Variants in JARID2 observed in about 807,000 individuals in gnomAD.
JARID2 encodes the protein protein Jumonji.
In JARID2, 21 loss-of-function variants were observed where a neutral mutation model predicts 125.6. The ratio of observed to expected loss-of-function variants is 0.17; its 90% CI spans 0.12 to 0.24. The LOEUF (loss-of-function observed/expected upper bound fraction) is 0.24. Among genes scored for constraint, JARID2 ranks in the 10% least tolerant of loss-of-function variants. The pLI is 1.00. For missense variants in JARID2, 1,303 were observed against 1,639.6 expected (o/e 0.79, Z 3.55); for synonymous variants, 736 against 661.6 (o/e 1.11, Z -1.73).
rs752867797 is a variant in JARID2 at position 15,508,479 on chromosome 6, G to A, written c.2846+25G>A. 6.5e-6 allele frequency: 8 copies of A among 1,232,834 alleles called. No homozygotes were observed. The African/African-American group carries it at 1.2e-4, about 18-fold the overall frequency. 76.4% of individuals were successfully genotyped at this position (1,232,834 alleles called of 1,614,324 possible). Reference sequence around the variant, plus strand: ...GGTGAGTACTGGCCCCAGGCGGGAAGGGAGGGACTGCAGAAACTACTATTA... The same window carrying A: ...GGTGAGTACTGGCCCCAGGCGGGAAAGGAGGGACTGCAGAAACTACTATTA... On this transcript the variant is annotated intron_variant, in intron 12 of 17. Transcript: ENST00000341776.
chr6:15,394,270 A>C (rs1765133279), intron 2 of JARID2, among the ~76,000 whole-genome samples: 3 of 152,106 alleles, frequency 2.0e-5, no homozygotes, highest in African/African-American at 7.2e-5. Context: ...GCCTTGAGAC[A>C]CAGCTTACTC....
chr6:15,320,373 A>C (rs1762311390), intron 1 of JARID2, among the ~76,000 whole-genome samples: 1 of 152,380 alleles, frequency 6.6e-6, no homozygotes, highest in African/African-American at 2.4e-5. Context: ...TTAATTAGGT[A>C]GTTCGTAGAA....
At chr6:15,501,703 G>T (rs1770744780) in intron 8 of JARID2, among the ~76,000 whole-genome samples, 1 of 152,178 alleles carries the variant, frequency 6.6e-6, no homozygotes, top group African/African-American at 2.4e-5. Flanking sequence ...GGGGCAGCAG[G>T]AGACCCAGTG....
intron 2 of JARID2, among the ~76,000 whole-genome samples, chr6:15,399,972 C>G (rs1367127638): frequency 6.6e-6 from 1 of 152,146 alleles, no homozygotes; most frequent in African/African-American, 2.4e-5. Context: ...CTTTAAAAAT[C>G]AAAAAGCTAT....
At chr6:15,423,085 C>T (rs555438872) in intron 3 of JARID2, among the ~76,000 whole-genome samples, 61 of 151,826 alleles carry the variant, frequency 4.0e-4, no homozygotes, top group Non-Finnish European at 7.4e-4. Flanking sequence ...CTGTAACCTC[C>T]GCGTCCTGGG....
chr6:15,442,198 C>G (rs1767477726), intron 3 of JARID2, among the ~76,000 whole-genome samples: 1 of 151,110 alleles, frequency 6.6e-6, no homozygotes, highest in Non-Finnish European at 1.5e-5. Context: ...CAGGAGAGTT[C>G]TGGCAATTTG....
intron 3 of JARID2, among the ~76,000 whole-genome samples, chr6:15,415,666 C>A (rs1415240963): frequency 6.8e-6 from 1 of 148,090 alleles, no homozygotes; most frequent in East Asian, 2.1e-4. Flanking sequence ...ACCTCCCTCC[C>A]GGACGGGGTG....
intron 1 of JARID2, among the ~76,000 whole-genome samples, chr6:15,348,728 G>A (rs891540430): frequency 1.3e-5 from 2 of 152,142 alleles, no homozygotes; most frequent in African/African-American, 4.8e-5. Context: ...CCACAGTCAA[G>A]CTTTTGCAGA....
intron 3 of JARID2, among the ~76,000 whole-genome samples, chr6:15,433,794 T>C (rs1196533113): frequency 6.6e-6 from 1 of 152,154 alleles, no homozygotes; most frequent in Non-Finnish European, 1.5e-5. Flanking sequence ...TCCCTGATAG[T>C]TCTTTTCTCT....
At chr6:15,311,585 G>GAAAGAA (rs1457659816) in intron 1 of JARID2, among the ~76,000 whole-genome samples, 2 of 151,942 alleles carry the variant, frequency 1.3e-5, no homozygotes, top group Admixed American at 1.3e-4. Context: ...TCTCAAGAAA[G>GAAAGAA]AAAGAAAAAG....
rs147814906 is a variant in JARID2, at chr6:15,419,471, G to A, written c.323+9106G>A. 3.9e-3 allele frequency among the ~76,000 whole-genome samples: 597 copies of A among 152,192 alleles called. 4 individuals are homozygous for A. Among genetic ancestry groups the A allele is most frequent in the Middle Eastern group, 0.024 (7 of 294 alleles). ...GCCATTTTTGTTTCTAGTATCATTT[G>A]CATTTGCTTTTGCTTGAAGGATTTT... is the stretch of plus-strand genomic sequence containing the variant. On this transcript the variant is annotated intron_variant, in intron 3 of 17. Coordinates refer to ENST00000341776, the MANE Select transcript of JARID2 (RefSeq NM_004973.4).
At chr6:15,297,014 A>G (rs1306441881) in intron 1 of JARID2, among the ~76,000 whole-genome samples, 2 of 152,208 alleles carry the variant, frequency 1.3e-5, no homozygotes, top group African/African-American at 4.8e-5. Flanking sequence ...ACTGCAGTGA[A>G]TCTGAGAAGT....
intron 4 of JARID2, among the ~76,000 whole-genome samples, chr6:15,463,749 C>T (rs770656348): frequency 5.3e-5 from 8 of 152,200 alleles, no homozygotes; most frequent in South Asian, 2.1e-4. Context: ...TTTTCAAATA[C>T]GTCTGCTAGA....
At chr6:15,453,868 C>T (rs963556972) in intron 4 of JARID2, among the ~76,000 whole-genome samples, 1 of 152,134 alleles carries the variant, frequency 6.6e-6, no homozygotes, top group African/African-American at 2.4e-5. Context: ...TTGGCCATGT[C>T]TTCAAGGAGC....
intron 2 of JARID2, among the ~76,000 whole-genome samples, chr6:15,398,210 G>T (rs1332581145): frequency 6.6e-6 from 1 of 152,224 alleles, no homozygotes; most frequent in African/African-American, 2.4e-5. Context: ...CGGGTTCACA[G>T]ATATTCTTTA....
chr6:15,380,485 C>T (rs572764948), intron 2 of JARID2, among the ~76,000 whole-genome samples: 4 of 152,310 alleles, frequency 2.6e-5, no homozygotes, highest in Admixed American at 1.3e-4. Flanking sequence ...CTCCTCTCTT[C>T]AGTCAGACAC....
intron 3 of JARID2, among the ~76,000 whole-genome samples, chr6:15,450,603 T>G (rs1006912523): frequency 1.3e-5 from 2 of 152,206 alleles, no homozygotes; most frequent in Non-Finnish European, 2.9e-5. Context: ...TGTTGTTGTT[T>G]TCCTGCCCTC....
At position 15,356,407 on chromosome 6, in the gene JARID2, C is replaced by T. The variant is rs760669821; in HGVS notation, c.46-17710C>T. On this transcript the variant is annotated intron_variant, in intron 1 of 17. Transcript: ENST00000341776. ...TTTCCCGTTTCTTCATCTTCACCAA[C>T]GTCTGCTGTTTTTCTTTTTGTTTTT... Among the ~76,000 whole-genome samples, 77 of 152,310 alleles carry T rather than the reference C, an allele frequency of 5.1e-4. 1 individual carries two copies. The highest frequency in any genetic ancestry group is 6.5e-4 in the Admixed American group (10 of 15,294).
intron 2 of JARID2, among the ~76,000 whole-genome samples, chr6:15,391,881 T>C (rs748831754): frequency 1.3e-5 from 2 of 152,242 alleles, no homozygotes; most frequent in African/African-American, 2.4e-5. Context: ...TCTCCCACTT[T>C]GGTGGCTCTA....
Sources: gnomAD v4.1 joint callset for allele counts (sites outside exome capture counted in the v4.1 genomes callset) on GRCh38, gnomAD v4.1.1 for gene constraint, MANE v1.5 for transcripts, NCBI Gene and HGNC (gene_info 2026-07-23, HGNC 2026-07-21) for gene names.